TBL1XR1: variants seen among roughly 807,000 people sequenced by gnomAD.
TBL1XR1 encodes the protein TBL1X/Y related 1.
A neutral mutation model predicts 66.9 loss-of-function variants in TBL1XR1; 5 were observed. The observed-to-expected ratio is 0.07, with a 90% CI of 0.04 to 0.16. TBL1XR1 has a LOEUF of 0.16. Ranked by LOEUF, TBL1XR1 falls within the 10% of genes least tolerant of loss-of-function variation. TBL1XR1 has a pLI of 1.00. For missense variants in TBL1XR1, 238 were observed against 623.2 expected, an observed-to-expected ratio of 0.38 and a Z score of 6.58; for synonymous variants, 210 against 206.0, an observed-to-expected ratio of 1.02 and a Z score of -0.17.
chr3:177,069,283 C>A (rs1459574570), intron 2 of TBL1XR1, among the ~76,000 whole-genome samples: 1 of 152,020 alleles, frequency 6.6e-6, no homozygotes, highest in African/African-American at 2.4e-5. Flanking sequence ...ATTAGAAGAC[C>A]AAAATCAGGG....
chr3:177,198,865 G>GAC (rs57636923), upstream of TBL1XR1, among the ~76,000 whole-genome samples: 5,029 of 148,078 alleles, frequency 0.034, 105 homozygotes, highest in Admixed American at 0.048. Context: ...GAAGTTTTGC[G>GAC]ACACACACAC....
At chr3:177,121,222 G>C (rs887031323) in intron 1 of TBL1XR1, among the ~76,000 whole-genome samples, 3 of 152,040 alleles carry the variant, frequency 2.0e-5, no homozygotes, top group East Asian at 1.9e-4. Context: ...TAAAACTATC[G>C]ATGTCATAAA....
At chr3:177,179,483 C>A (rs1462438703) in intron 1 of TBL1XR1, among the ~76,000 whole-genome samples, 1 of 152,138 alleles carries the variant, frequency 6.6e-6, no homozygotes, top group African/African-American at 2.4e-5. Context: ...TTTATTCTAA[C>A]TAAATTCTTA....
At chr3:177,111,087 C>T (rs763246618) in intron 1 of TBL1XR1, among the ~76,000 whole-genome samples, 12 of 152,208 alleles carry the variant, frequency 7.9e-5, no homozygotes, top group Middle Eastern at 3.4e-3. Context: ...GGCAGTATCA[C>T]GCCAGGCACA....
At chr3:177,031,688 G>A (rs1415905555) in intron 14 of TBL1XR1, among the ~76,000 whole-genome samples, 4 of 149,182 alleles carry the variant, frequency 2.7e-5, no homozygotes, top group Non-Finnish European at 6.0e-5. Context: ...CACTTTGGGA[G>A]GCTGAGGTGG....
intron 2 of TBL1XR1, 120 bp downstream of exon 2, chr3:177,098,345 AC>A (rs1444477948): frequency 5.8e-6 from 2 of 346,462 alleles, no homozygotes; most frequent in Admixed American, 6.5e-5. Flanking sequence ...TAAAAAAAAA[AC>A]ACTTACTTAG....
intron 3 of TBL1XR1, among the ~76,000 whole-genome samples, chr3:177,055,737 T>G (rs923532727): frequency 1.4e-4 from 22 of 152,032 alleles, no homozygotes; most frequent in African/African-American, 4.6e-4. Context: ...AGGTTGGAGA[T>G]TCCTGTTTTC....
intron 1 of TBL1XR1, among the ~76,000 whole-genome samples, chr3:177,139,676 A>AG (rs1729412038): frequency 6.6e-6 from 1 of 151,696 alleles, no homozygotes; most frequent in African/African-American, 2.4e-5. Flanking sequence ...AGTTAAAAAA[A>AG]AAAAGAAAAA....
intron 1 of TBL1XR1, among the ~76,000 whole-genome samples, chr3:177,145,103 G>A (rs1730092278): frequency 6.6e-6 from 1 of 152,080 alleles, no homozygotes; most frequent in South Asian, 2.1e-4. Context: ...TTAACGAACA[G>A]GAACCTAGTG....
At chr3:177,162,394 T>C (rs962591966) in intron 1 of TBL1XR1, among the ~76,000 whole-genome samples, 1 of 152,226 alleles carries the variant, frequency 6.6e-6, no homozygotes, top group Non-Finnish European at 1.5e-5. Flanking sequence ...GCATGAAATG[T>C]TCCATGTCTC....
chr3:177,200,235 G>C (rs1737312798), upstream of TBL1XR1, among the ~76,000 whole-genome samples: 1 of 152,162 alleles, frequency 6.6e-6, no homozygotes, highest in Admixed American at 6.5e-5. Flanking sequence ...GCCTCCCAAA[G>C]TGTTGGGATT....
At chr3:177,142,395 T>C (rs1006907989) in intron 1 of TBL1XR1, among the ~76,000 whole-genome samples, 2 of 152,208 alleles carry the variant, frequency 1.3e-5, no homozygotes, top group East Asian at 3.8e-4. Flanking sequence ...TGCAGAAATT[T>C]CTAGAAGTGG....
intron 2 of TBL1XR1, among the ~76,000 whole-genome samples, chr3:177,066,928 A>G (rs1577066561): frequency 6.6e-6 from 1 of 152,198 alleles, no homozygotes; most frequent in Admixed American, 6.5e-5. Context: ...AAATTAATTC[A>G]AAGAGTACAA....
intron 1 of TBL1XR1, chr3:177,099,319 A>G (rs1009920498): frequency 3.9e-5 from 6 of 152,346 alleles, no homozygotes; most frequent in African/African-American, 1.4e-4. Flanking sequence ...GTGAGCCGAG[A>G]CCGCACCACT....
intron 1 of TBL1XR1, chr3:177,126,155 TAGA>T (rs1378241037): frequency 6.6e-6 from 1 of 152,212 alleles, no homozygotes; most frequent in Non-Finnish European, 1.5e-5. Flanking sequence ...AGTCATTAAG[TAGA>T]AGTGGCTCTG....
intron 1 of TBL1XR1, among the ~76,000 whole-genome samples, chr3:177,104,175 C>T (rs564231539): frequency 1.0e-4 from 15 of 150,516 alleles, no homozygotes; most frequent in African/African-American, 3.6e-4. Context: ...ATTGACCCTG[C>T]TTAGAAAGAT....
chr3:177,118,697 G>A (rs979682434), intron 1 of TBL1XR1, among the ~76,000 whole-genome samples: 45 of 152,180 alleles, frequency 3.0e-4, no homozygotes, highest in African/African-American at 1.1e-3. Context: ...CATTTCAGAT[G>A]CTAAGAACAA....
intron 2 of TBL1XR1, among the ~76,000 whole-genome samples, chr3:177,095,626 T>C (rs537841519): frequency 8.6e-4 from 131 of 151,910 alleles, no homozygotes; most frequent in Non-Finnish European, 1.6e-3. Flanking sequence ...ATTACAGGTG[T>C]GCGCCACCAC....
intron 2 of TBL1XR1, among the ~76,000 whole-genome samples, chr3:177,097,576 A>G (rs1161147077): frequency 1.3e-5 from 2 of 149,284 alleles, no homozygotes; most frequent in Non-Finnish European, 2.9e-5. Flanking sequence ...GCTATATCAC[A>G]TGATTGCCAT....
Sources: allele counts gnomAD v4.1 joint callset (sites outside exome capture counted in the v4.1 genomes callset), GRCh38; gene constraint gnomAD v4.1.1; transcripts MANE v1.5; gene names NCBI Gene and HGNC (gene_info 2026-07-23, HGNC 2026-07-21).